PRTG: variants seen among roughly 807,000 people sequenced by gnomAD.
PRTG encodes the protein immunoglobulin superfamily, DCC subclass, member 5.
PRTG carries 67 observed loss-of-function variants against 122.5 expected under a neutral mutation model. That is an observed-to-expected ratio of 0.55 (90% CI 0.45 to 0.67). PRTG has a LOEUF of 0.67. Among genes scored for constraint, PRTG ranks in the 30% least tolerant of loss-of-function variants. The pLI is 0.00. For synonymous variants in PRTG, 554 were observed against 501.1 expected, an observed-to-expected ratio of 1.11 and a Z score of -1.41; for missense variants, 1,435 against 1,415.4, an observed-to-expected ratio of 1.01 and a Z score of -0.22.
chr15:55,629,889 C>T (rs1001118404), intron 15 of PRTG, among the ~76,000 whole-genome samples: 3 of 148,412 alleles, frequency 2.0e-5, no homozygotes, highest in Non-Finnish European at 4.4e-5. Context: ...ATGATCATGG[C>T]TCACTATAAC....
chr15:55,668,135 A>C (rs2059449031), intron 11 of PRTG, among the ~76,000 whole-genome samples: 1 of 152,252 alleles, frequency 6.6e-6, no homozygotes, highest in East Asian at 1.9e-4. Context: ...TTATTCATTT[A>C]TAATTGGTGT....
chr15:55,731,729 T>G (rs1281891141), intron 2 of PRTG, among the ~76,000 whole-genome samples: 1 of 152,156 alleles, frequency 6.6e-6, no homozygotes, highest in Non-Finnish European at 1.5e-5. Flanking sequence ...TCAACCAGTA[T>G]TAAAATACTA....
intron 11 of PRTG, among the ~76,000 whole-genome samples, 181 bp downstream of exon 11, chr15:55,672,264 C>CA (rs1473916580): frequency 1.3e-5 from 2 of 152,196 alleles, no homozygotes; most frequent in Non-Finnish European, 2.9e-5. Context: ...CCACTGGACT[C>CA]ACAATGGTAA....
intron 2 of PRTG, among the ~76,000 whole-genome samples, chr15:55,692,967 A>G (rs1252774360): frequency 6.9e-6 from 1 of 144,548 alleles, no homozygotes; most frequent in Non-Finnish European, 1.5e-5. Context: ...CAGCCTCCCC[A>G]GTAGCTAGAA....
chr15:55,631,023 C>A (rs186166298), intron 15 of PRTG, among the ~76,000 whole-genome samples: 120 of 152,262 alleles, frequency 7.9e-4, no homozygotes, highest in Middle Eastern at 3.4e-3. Flanking sequence ...GAGACGGAGG[C>A]CATCTCTGCA....
At chr15:55,728,315 CAAGAA>C (rs780674106) in intron 2 of PRTG, among the ~76,000 whole-genome samples, 36 of 152,244 alleles carry the variant, frequency 2.4e-4, no homozygotes, top group Non-Finnish European at 4.1e-4. Context: ...CAGATAATCA[CAAGAA>C]AAGAAAATTA....
intron 11 of PRTG, among the ~76,000 whole-genome samples, chr15:55,666,474 A>C (rs1350822114): frequency 6.6e-6 from 1 of 152,214 alleles, no homozygotes; most frequent in Non-Finnish European, 1.5e-5. Context: ...TTACAGAAAA[A>C]GTTTGCTTAT....
chr15:55,616,345 T>A lies in PRTG; in HGVS notation c.*3667A>T, dbSNP rs2059141713. On this transcript the variant is annotated 3_prime_UTR_variant, in exon 20 of 20. Coordinates refer to ENST00000389286, the MANE Select transcript of PRTG (RefSeq NM_173814.6). ...TGACATGATTTGTTTGCCTCTTACA[T>A]CCTTAGAGATGAAAAGCATCCCTAT... 6.6e-6 allele frequency: 1 copy of A among 152,140 alleles called. No individual in the cohort carries two copies. Among genetic ancestry groups the A allele is most frequent in the Non-Finnish European group, 1.5e-5 (1 of 67,998 alleles). The allele number at this position is 152,140 out of a possible 1,614,324, so 9.4% of individuals were successfully genotyped here.
At chr15:55,682,249 T>C in intron 4 of PRTG, 115 bp downstream of exon 4, 1 of 883,348 alleles carries the variant, frequency 1.1e-6, no homozygotes, top group East Asian at 3.3e-5. Context: ...TCCAAATAGA[T>C]TATAATAATT....
chr15:55,646,328 T>C (rs908990998), intron 11 of PRTG, among the ~76,000 whole-genome samples: 4 of 109,918 alleles, frequency 3.6e-5, no homozygotes, highest in Admixed American at 8.9e-5. Context: ...CTCAATTCTC[T>C]TTTTTTTTTT....
intron 11 of PRTG, among the ~76,000 whole-genome samples, chr15:55,670,897 TCACAAACACACACA>T (rs1483399183): frequency 2.0e-3 from 206 of 102,078 alleles, no homozygotes; most frequent in Admixed American, 1.8e-3. Flanking sequence ...TAAAACTCCG[TCACAAACACACACA>T]CACACACACA....
Position 55,636,365 on chromosome 15 carries a change from A to AT in PRTG, c.2623+804dup, listed in dbSNP as rs1367648648. On this transcript the variant is annotated intron_variant, in intron 15 of 19. Transcript: ENST00000389286. ...CTACTAAGGTCTTCTCCCTTCAATC[A>AT]TATCTCCTTCCAGTGTTTCCTTCTC... Among the ~76,000 whole-genome samples, 12 of 151,794 alleles carry AT rather than the reference A, an allele frequency of 7.9e-5. No homozygotes were observed. In the South Asian group the frequency reaches 1.7e-3, roughly 21 times the overall value.
intron 2 of PRTG, among the ~76,000 whole-genome samples, chr15:55,709,503 T>A (rs1420669929): frequency 2.0e-5 from 3 of 151,792 alleles, no homozygotes; most frequent in Non-Finnish European, 4.4e-5. Context: ...ATATTTATTA[T>A]CCAAACCAGG....
At chr15:55,678,084 A>T in intron 7 of PRTG, 40 bp from the exon 8 acceptor site, 1 of 1,307,014 alleles carries the variant, frequency 7.7e-7, no homozygotes, top group Non-Finnish European at 1.1e-6. Flanking sequence ...AAAAATTCTA[A>T]GAATGAATTC....
intron 11 of PRTG, among the ~76,000 whole-genome samples, chr15:55,649,962 A>C (rs1399029637): frequency 6.6e-6 from 1 of 152,196 alleles, no homozygotes; most frequent in Non-Finnish European, 1.5e-5. Flanking sequence ...GGTTTGAATC[A>C]AGTTTCGTCA....
rs58741046 is a variant in PRTG, at chr15:55,629,359, G to GTA, written c.2624-357_2624-356dup. 7.4e-3 allele frequency among the ~76,000 whole-genome samples: 549 copies of GTA among 74,536 alleles called. 4 individuals carry two copies. The highest frequency in any genetic ancestry group is 0.017 in the African/African-American group (340 of 20,284). 48.9% of individuals were successfully genotyped at this position (74,536 alleles called of 152,430 possible). A position where few individuals can be genotyped will look rare whatever the true frequency, so the allele number is the denominator to read the frequency against. Reference sequence around the variant, plus strand: ...ACAGTACACATTTTTGTTTGGCTTTGTATATATATATATATATGTGTGTGT... The same window carrying GTA: ...ACAGTACACATTTTTGTTTGGCTTTGTATATATATATATATATATGTGTGTGT... On this transcript the variant is annotated intron_variant, in intron 15 of 19. Coordinates refer to ENST00000389286, the MANE Select transcript of PRTG (RefSeq NM_173814.6).
At chr15:55,679,490 G>A (rs1408239163) in intron 6 of PRTG, 45 bp from the exon 7 acceptor site, 1 of 1,477,336 alleles carries the variant, frequency 6.8e-7, no homozygotes, top group African/African-American at 1.4e-5. Context: ...ATCCTAATAG[G>A]AATGATGTAA....
At chr15:55,627,209 C>G (rs2059199739) in intron 16 of PRTG, 81 bp from the exon 17 acceptor site, 1 of 1,018,038 alleles carries the variant, frequency 9.8e-7, no homozygotes, top group Non-Finnish European at 1.3e-6. Context: ...CTTGCTTTTC[C>G]AAAATTTTTC....
In PRTG at chr15:55,682,396, T is replaced by G. The variant is rs770048135; in HGVS notation, c.644A>C (p.Lys215Thr). 15 of 1,605,516 alleles carry G rather than the reference T, an allele frequency of 9.3e-6. No individual in the cohort carries two copies. Among genetic ancestry groups the G allele is most frequent in the Non-Finnish European group, 1.3e-5 (15 of 1,175,054 alleles). ...CIAATVAHRR[K>T]SMEASLTVIP... The stretch of plus-strand genomic sequence containing the variant: ...CACAGTTAGCGAGGCCTCCATACTT[T>G]TACGTCGGTGGGCTACAGTGGCAGC... Residue 215 changes from lysine to threonine, a missense_variant, in exon 4 of 20, where the codon AAA (lysine) becomes ACA (threonine). By Grantham distance (78) the Lys-to-Thr change is moderately conservative. Transcript: ENST00000389286.
Sources: allele counts gnomAD v4.1 joint callset (sites outside exome capture counted in the v4.1 genomes callset), GRCh38; gene constraint gnomAD v4.1.1; transcripts MANE v1.5; gene names NCBI Gene and HGNC (gene_info 2026-07-23, HGNC 2026-07-21).